The following DLGAP1 variants were observed in gnomAD, a reference collection of about 807,000 sequenced individuals.
DLGAP1 encodes DLG associated protein 1, also known as disks large-associated protein 1.
Under a neutral mutation model 90.8 loss-of-function variants are expected in DLGAP1, and 11 were observed. That is an observed-to-expected ratio of 0.12 (90% CI 0.08 to 0.20). DLGAP1 has a LOEUF of 0.20. DLGAP1 is among the 10% of genes least tolerant of loss of function. The pLI is 1.00. For synonymous variants in DLGAP1, 558 were observed against 540.7 expected (o/e 1.03, Z -0.44); for missense variants, 1,050 against 1,333.8 (o/e 0.79, Z 3.31).
intron 7 of DLGAP1, among the ~76,000 whole-genome samples, chr18:3,677,029 A>G (rs2060329406): frequency 6.6e-6 from 1 of 152,104 alleles, no homozygotes; most frequent in South Asian, 2.1e-4. Context: ...ATTATCTACT[A>G]ACTTCCAGGA....
chr18:4,366,239 TG>T (rs2081763583), intron 1 of DLGAP1, among the ~76,000 whole-genome samples: 1 of 152,094 alleles, frequency 6.6e-6, no homozygotes, highest in South Asian at 2.1e-4. Flanking sequence ...CTTTTAAAAA[TG>T]TTTTTAGGTG....
At chr18:4,030,044 G>A (rs183928813) in intron 2 of DLGAP1, among the ~76,000 whole-genome samples, 64 of 152,276 alleles carry the variant, frequency 4.2e-4, no homozygotes, top group African/African-American at 1.4e-3. Flanking sequence ...CCAGGCTGGA[G>A]AGCAGTGGCG....
At chr18:3,701,263 C>T (rs1421125586) in intron 7 of DLGAP1, among the ~76,000 whole-genome samples, 4 of 152,046 alleles carry the variant, frequency 2.6e-5, no homozygotes, top group Non-Finnish European at 4.4e-5. Context: ...CCAAACAGTC[C>T]GGATCCAGGG....
intron 7 of DLGAP1, among the ~76,000 whole-genome samples, chr18:3,626,137 A>C (rs964002044): frequency 6.6e-6 from 1 of 152,016 alleles, no homozygotes; most frequent in Admixed American, 6.6e-5. Context: ...TCTACAAAAT[A>C]AAAAAATTAG....
intron 2 of DLGAP1, among the ~76,000 whole-genome samples, chr18:4,135,267 A>C (rs1221181384): frequency 1.3e-5 from 2 of 152,022 alleles, no homozygotes; most frequent in Admixed American, 6.6e-5. Flanking sequence ...AAACAGTAGA[A>C]GAGGGGGGAG....
chr18:3,525,165 T>A (rs559855724), intron 10 of DLGAP1, among the ~76,000 whole-genome samples: 13 of 152,252 alleles, frequency 8.5e-5, no homozygotes, highest in African/African-American at 2.9e-4. Flanking sequence ...ATTTTAATTT[T>A]TTTTTCCCAG....
intron 5 of DLGAP1, among the ~76,000 whole-genome samples, chr18:3,793,793 G>T (rs927534658): frequency 6.6e-5 from 10 of 151,994 alleles, no homozygotes; most frequent in African/African-American, 2.2e-4. Context: ...CCCACTCTGC[G>T]ACCCCCTGAC....
At chr18:4,298,338 C>G (rs1004485216) in intron 1 of DLGAP1, among the ~76,000 whole-genome samples, 2 of 152,138 alleles carry the variant, frequency 1.3e-5, no homozygotes, top group African/African-American at 4.8e-5. Context: ...AATCTGAGAC[C>G]CTCCTCAGTT....
chr18:4,054,305 T>C (rs1422610041), intron 2 of DLGAP1, among the ~76,000 whole-genome samples: 1 of 152,220 alleles, frequency 6.6e-6, no homozygotes, highest in Non-Finnish European at 1.5e-5. Flanking sequence ...TGGGCTCTTT[T>C]AGAATTGATT....
intron 1 of DLGAP1, among the ~76,000 whole-genome samples, chr18:4,451,232 A>T (rs542691658): frequency 1.2e-4 from 19 of 152,340 alleles, no homozygotes; most frequent in East Asian, 1.2e-3. Context: ...GTACAATCAG[A>T]CTAAAGAACA....
At position 3,729,075 on chromosome 18, in the gene DLGAP1, G is replaced by A; in HGVS notation, c.1591+60C>T. The A allele has an allele frequency of 6.5e-7, 1 of 1,544,470 alleles. No homozygotes were observed. Among genetic ancestry groups the A allele is most frequent in the South Asian group, 1.2e-5 (1 of 81,892 alleles). On this transcript the variant is annotated intron_variant, in intron 7 of 12. Coordinates refer to ENST00000315677, the MANE Select transcript of DLGAP1 (RefSeq NM_004746.4). This position sits in a 1 kb window ranked among gnomAD's most constrained non-coding sequence, Gnocchi z 6.2. ...TGTTGACAGCAAGGGCACAGTCTTT[G>A]GGGACAGTCGTGCCATAGCCAGCAC...
At chr18:3,741,113 C>T (rs1187947413) in intron 6 of DLGAP1, among the ~76,000 whole-genome samples, 3 of 127,990 alleles carry the variant, frequency 2.3e-5, no homozygotes, top group East Asian at 2.8e-4. Context: ...TCACCATCAC[C>T]ACCACCATCA....
intron 2 of DLGAP1, among the ~76,000 whole-genome samples, chr18:4,064,339 T>C (rs1371606025): frequency 3.3e-5 from 5 of 151,966 alleles, no homozygotes; most frequent in Non-Finnish European, 5.9e-5. Flanking sequence ...CCAAAGTTAA[T>C]TTGAAAAACT....
At chr18:4,273,797 T>C (rs949301609) in intron 1 of DLGAP1, among the ~76,000 whole-genome samples, 2 of 152,262 alleles carry the variant, frequency 1.3e-5, no homozygotes, top group Non-Finnish European at 2.9e-5. Flanking sequence ...TGTTGGTGTG[T>C]AATTGTTCAT....
intron 1 of DLGAP1, among the ~76,000 whole-genome samples, chr18:4,324,304 T>C (rs955983017): frequency 6.6e-6 from 1 of 150,614 alleles, no homozygotes; most frequent in Non-Finnish European, 1.5e-5. Context: ...CAATCTCGTA[T>C]GACTGAACCA....
intron 2 of DLGAP1, among the ~76,000 whole-genome samples, chr18:4,096,470 A>C (rs2075681494): frequency 6.6e-6 from 1 of 152,010 alleles, no homozygotes; most frequent in African/African-American, 2.4e-5. Flanking sequence ...CATCTGCTAT[A>C]TGTCCTTTTC....
Position 4,083,713 on chromosome 18 carries a change from G to T in DLGAP1, c.-159+67467C>A, listed in dbSNP as rs1044437267. Among the ~76,000 whole-genome samples, 8 of 152,018 alleles carry T rather than the reference G, an allele frequency of 5.3e-5. No homozygotes were observed. The East Asian group carries it at 1.5e-3, about 29-fold the overall frequency. On this transcript the variant is annotated intron_variant, in intron 2 of 12. Coordinates refer to ENST00000315677, the MANE Select transcript of DLGAP1 (RefSeq NM_004746.4). ...TGATGGGGTGTGGCTTGCTTCTTTC[G>T]TGCCCTAGAGTTAAAATTCCTAGGG...
chr18:3,776,276 GC>G (rs2064934207), intron 5 of DLGAP1, among the ~76,000 whole-genome samples: 1 of 152,154 alleles, frequency 6.6e-6, no homozygotes, highest in Admixed American at 6.5e-5. Context: ...ATTAACTTTG[GC>G]TTTTAAAGGT....
chr18:3,511,247 A>G (rs566385312), intron 10 of DLGAP1, among the ~76,000 whole-genome samples: 1 of 151,652 alleles, frequency 6.6e-6, no homozygotes, highest in Non-Finnish European at 1.5e-5. Flanking sequence ...CTAAAAACTC[A>G]CTTTAATTTT....
Sources: gnomAD v4.1 joint callset for allele counts (sites outside exome capture counted in the v4.1 genomes callset) on GRCh38, gnomAD v4.1.1 for gene constraint, Gnocchi (gnomAD v3.1) non-coding constraint, MANE v1.5 for transcripts, NCBI Gene and HGNC (gene_info 2026-07-23, HGNC 2026-07-21) for gene names.